The following UBE2Q2 variants were observed in gnomAD, a reference collection of about 807,000 sequenced individuals.
UBE2Q2 encodes ubiquitin conjugating enzyme E2 Q2.
UBE2Q2 carries 54 observed loss-of-function variants against 59.9 expected under a neutral mutation model. The ratio of observed to expected loss-of-function variants is 0.90; its 90% CI spans 0.72 to 1.13. The LOEUF (loss-of-function observed/expected upper bound fraction) is 1.13, where lower values mean the gene tolerates loss of function less well. Among genes scored for constraint, UBE2Q2 ranks in the 50% most tolerant of loss-of-function variants. The pLI is 0.00. For synonymous variants in UBE2Q2, 165 were observed against 155.2 expected, an observed-to-expected ratio of 1.06 and a Z score of -0.47; for missense variants, 433 against 441.9, an observed-to-expected ratio of 0.98 and a Z score of 0.18.
chr15:75,897,759 T>C (rs191394), intron 12 of UBE2Q2, among the ~76,000 whole-genome samples: 150,629 of 152,104 alleles, frequency 0.99, 74,602 homozygotes, highest in East Asian at 1. Context: ...CAGCCTCAAG[T>C]TCCTGGGCTG....
chr15:75,883,481 T>A, intron 9 of UBE2Q2, 57 bp downstream of exon 9: 1 of 1,383,026 alleles, frequency 7.2e-7, no homozygotes, highest in Non-Finnish European at 1.0e-6. Flanking sequence ...AAATTTTTTT[T>A]TATAGGGACG....
Position 75,900,303 on chromosome 15 carries a change from T to C in UBE2Q2, c.*845T>C, listed in dbSNP as rs926021303. On this transcript the variant is annotated 3_prime_UTR_variant, in exon 13 of 13. Coordinates refer to ENST00000267938, the MANE Select transcript of UBE2Q2 (RefSeq NM_173469.4). ...CTTATAAAGTGATTGGCACAAAGACTCCTTGAGCAAAAGCTGTGCAGTTAA... is the reference window on the plus strand; with the variant it reads ...CTTATAAAGTGATTGGCACAAAGACCCCTTGAGCAAAAGCTGTGCAGTTAA... 2 of 152,404 alleles carry C rather than the reference T, an allele frequency of 1.3e-5. No individual in the cohort carries two copies. Among genetic ancestry groups the C allele is most frequent in the African/African-American group, 4.8e-5 (2 of 41,462 alleles). The allele number at this position is 152,404 out of a possible 1,614,324, so 9.4% of individuals were successfully genotyped here.
In UBE2Q2 at chr15:75,877,977, A is replaced by G; in HGVS notation, c.690A>G (p.Glu230=). The part of the protein sequence containing the change: ...QSYKTGIYSV[E]LINDSLYDWH... ...TCTTAACAGGGATTTATTCAGTGGA[A>G]CTCATAAATGACAGTTTATATGACT... Residue 230 remains glutamate (E), a synonymous_variant, in exon 7 of 13, where the codon GAA becomes GAG. Transcript: ENST00000267938. 1 of 1,613,560 alleles carries G rather than the reference A, an allele frequency of 6.2e-7. No homozygotes were observed. Among genetic ancestry groups the G allele is most frequent in the East Asian group, 2.2e-5 (1 of 44,822 alleles).
At chr15:75,880,747 C>T (rs1460611815) in intron 8 of UBE2Q2, among the ~76,000 whole-genome samples, 1 of 152,124 alleles carries the variant, frequency 6.6e-6, no homozygotes, top group Admixed American at 6.5e-5. Flanking sequence ...GGTACACTTC[C>T]CTTGGCCTTC....
At chr15:75,861,164 C>T (rs535345390) in intron 3 of UBE2Q2, among the ~76,000 whole-genome samples, 3 of 152,236 alleles carry the variant, frequency 2.0e-5, no homozygotes, top group African/African-American at 7.2e-5. Flanking sequence ...CCATTTAGAA[C>T]AGTGCCTGGT....
intron 6 of UBE2Q2, 54 bp downstream of exon 6, chr15:75,876,325 G>A (rs1898079240): frequency 6.9e-7 from 1 of 1,450,688 alleles, no homozygotes; most frequent in African/African-American, 1.4e-5. Flanking sequence ...CTTTTCTATT[G>A]TCAGATTATA....
intron 3 of UBE2Q2, among the ~76,000 whole-genome samples, chr15:75,860,757 T>G (rs1436213243): frequency 1.3e-5 from 2 of 152,146 alleles, no homozygotes; most frequent in African/African-American, 2.4e-5. Flanking sequence ...CTTGGCAGGT[T>G]GTTCTTTGGG....
chr15:75,891,080 C>A, intron 11 of UBE2Q2, 66 bp downstream of exon 11: 1 of 1,257,700 alleles, frequency 8.0e-7, no homozygotes, highest in Non-Finnish European at 1.1e-6. Context: ...AAGCTTTCTT[C>A]CTGTCTTGAC....
At chr15:75,883,306 A>G (rs748543682) in intron 8 of UBE2Q2, 60 bp from the exon 9 acceptor site, 33 of 1,427,744 alleles carry the variant, frequency 2.3e-5, no homozygotes, top group Admixed American at 3.6e-5. Context: ...AAAATCTTCT[A>G]AATAGTATAA....
intron 9 of UBE2Q2, among the ~76,000 whole-genome samples, chr15:75,888,727 GT>G (rs1898928376): frequency 6.6e-6 from 1 of 152,122 alleles, no homozygotes; most frequent in Non-Finnish European, 1.5e-5. Flanking sequence ...CTTACTTTTT[GT>G]ATAGGTACTA....
chr15:75,859,249 C>CT (rs1391371836), intron 2 of UBE2Q2, among the ~76,000 whole-genome samples: 7 of 151,432 alleles, frequency 4.6e-5, no homozygotes, highest in South Asian at 2.1e-4. Flanking sequence ...TATACAGACA[C>CT]TTAAGAGCCT....
chr15:75,847,753 T>C (rs1896429054), intron 1 of UBE2Q2, among the ~76,000 whole-genome samples: 1 of 152,120 alleles, frequency 6.6e-6, no homozygotes, highest in Admixed American at 6.5e-5. Flanking sequence ...TATGGACTTT[T>C]TGGCATCTGG....
chr15:75,880,474 A>C (rs1898343784), intron 8 of UBE2Q2, among the ~76,000 whole-genome samples: 1 of 149,132 alleles, frequency 6.7e-6, no homozygotes, highest in African/African-American at 2.5e-5. Context: ...ATCTAGAAAA[A>C]ATGTTAATGA....
intron 1 of UBE2Q2, among the ~76,000 whole-genome samples, chr15:75,852,181 C>A (rs952006768): frequency 2.6e-5 from 4 of 151,992 alleles, no homozygotes; most frequent in African/African-American, 4.8e-5. Flanking sequence ...CCAGCCTTAT[C>A]GTAGACATTC....
At chr15:75,866,341 T>C (rs1260396438) in intron 3 of UBE2Q2, among the ~76,000 whole-genome samples, 1 of 152,090 alleles carries the variant, frequency 6.6e-6, no homozygotes, top group Non-Finnish European at 1.5e-5. Context: ...CGTGCATGGC[T>C]ACTTTTTAAA....
intron 3 of UBE2Q2, among the ~76,000 whole-genome samples, chr15:75,868,355 G>T (rs1289343087): frequency 6.6e-6 from 1 of 152,234 alleles, no homozygotes; most frequent in African/African-American, 2.4e-5. Flanking sequence ...ATTGTAAATT[G>T]TGTAAATTGG....
In UBE2Q2 at chr15:75,880,410, G is replaced by A. The variant is rs117625493; in HGVS notation, c.825+1222G>A. ...TTATAGGTGTGAGCCACCACACCTG[G>A]CCTAATAAGTATTTTAAAGATGCTA... On this transcript the variant is annotated intron_variant, in intron 8 of 12. Coordinates refer to ENST00000267938, the MANE Select transcript of UBE2Q2 (RefSeq NM_173469.4). 9.9e-5 allele frequency among the ~76,000 whole-genome samples: 15 copies of A among 152,008 alleles called. No homozygotes were observed. The East Asian group carries it at 2.5e-3, about 26-fold the overall frequency.
In UBE2Q2 at chr15:75,899,610, A is replaced by T; in HGVS notation, c.*152A>T. ...GATAATCTGTCATCTGACATCCAGTATAAGTTACAGCCTTTGCATTTTGCT... is the reference window on the plus strand; with the variant it reads ...GATAATCTGTCATCTGACATCCAGTTTAAGTTACAGCCTTTGCATTTTGCT... On this transcript the variant is annotated 3_prime_UTR_variant, in exon 13 of 13. Transcript: ENST00000267938. 1.7e-6 allele frequency: 1 copy of T among 587,798 alleles called. No individual in the cohort carries two copies. The highest frequency in any genetic ancestry group is 3.2e-5 in the Admixed American group (1 of 31,542). 36.4% of individuals were successfully genotyped at this position (587,798 alleles called of 1,614,324 possible).
At chr15:75,895,633 T>C (rs1899373857) in intron 11 of UBE2Q2, among the ~76,000 whole-genome samples, 1 of 151,740 alleles carries the variant, frequency 6.6e-6, no homozygotes, top group Non-Finnish European at 1.5e-5. Context: ...AAATGGCTCA[T>C]GAACATAATG....
Sources: allele counts gnomAD v4.1 joint callset (sites outside exome capture counted in the v4.1 genomes callset), GRCh38; gene constraint gnomAD v4.1.1; transcripts MANE v1.5; gene names NCBI Gene and HGNC (gene_info 2026-07-23, HGNC 2026-07-21).